Variants in DSCAM observed in about 807,000 individuals in gnomAD.
DSCAM encodes the protein DS cell adhesion molecule.
A neutral mutation model predicts 217.7 loss-of-function variants in DSCAM; 47 were observed. The ratio of observed to expected loss-of-function variants is 0.22; its 90% CI spans 0.17 to 0.28. The LOEUF is 0.28. Ranked by LOEUF, DSCAM falls within the 10% of genes least tolerant of loss-of-function variation. The pLI is 1.00. For synonymous variants in DSCAM, 1,056 were observed against 1,015.3 expected (o/e 1.04, Z -0.76); for missense variants, 2,080 against 2,618.3 (o/e 0.79, Z 4.49).
intron 1 of DSCAM, among the ~76,000 whole-genome samples, chr21:40,836,838 G>A (rs1282165251): frequency 6.6e-6 from 1 of 152,212 alleles, no homozygotes; most frequent in East Asian, 1.9e-4. Context: ...GGAGACCCCA[G>A]TGGTGGTGGG....
chr21:40,530,920 ACCAT>A lies in DSCAM; in HGVS notation c.509-161679_509-161676del, dbSNP rs749257248. ...ATCCATCCATCCATCCATCCATTCAACCATCCATCCATCCATCCATCCATCCATC... is the reference window on the plus strand; with the variant it reads ...ATCCATCCATCCATCCATCCATTCAACCATCCATCCATCCATCCATCCATC... On this transcript the variant is annotated intron_variant, in intron 3 of 32. Transcript: ENST00000400454. Among the ~76,000 whole-genome samples the A allele has an allele frequency of 0.011, 948 of 88,526 alleles. 18 individuals are homozygous for A. In the East Asian group the frequency reaches 0.17, roughly 16 times the overall value. The allele number at this position is 88,526 out of a possible 152,430, so 58.1% of individuals were successfully genotyped here. A position where few individuals can be genotyped will look rare whatever the true frequency, so the allele number is the denominator to read the frequency against.
At chr21:40,612,487 C>T (rs1479707615) in intron 3 of DSCAM, among the ~76,000 whole-genome samples, 1 of 152,180 alleles carries the variant, frequency 6.6e-6, no homozygotes, top group South Asian at 2.1e-4. Flanking sequence ...ATGACCTCTA[C>T]AAATCCCCAA....
chr21:40,159,548 T>C (rs1298025317), intron 16 of DSCAM, among the ~76,000 whole-genome samples: 1 of 152,224 alleles, frequency 6.6e-6, no homozygotes, highest in Non-Finnish European at 1.5e-5. Flanking sequence ...TGAATACTTT[T>C]ATTAAATTAC....
chr21:40,419,093 C>A (rs1212996837), intron 3 of DSCAM, among the ~76,000 whole-genome samples: 2 of 151,832 alleles, frequency 1.3e-5, no homozygotes, highest in Non-Finnish European at 2.9e-5. Flanking sequence ...GCTTCAGCCT[C>A]CAGAGTAGCT....
chr21:40,561,608 A>G (rs1419958482), intron 3 of DSCAM, among the ~76,000 whole-genome samples: 2 of 152,186 alleles, frequency 1.3e-5, no homozygotes, highest in Non-Finnish European at 2.9e-5. Flanking sequence ...CAAATGGTTT[A>G]TATTTTAATA....
intron 5 of DSCAM, among the ~76,000 whole-genome samples, chr21:40,352,250 G>T (rs2074638921): frequency 6.6e-6 from 1 of 152,180 alleles, no homozygotes; most frequent in Non-Finnish European, 1.5e-5. Context: ...ATTCAATGGA[G>T]AACAGGGAGC....
At chr21:40,110,366 G>C (rs1442638656) in intron 20 of DSCAM, among the ~76,000 whole-genome samples, 1 of 152,190 alleles carries the variant, frequency 6.6e-6, no homozygotes, top group Non-Finnish European at 1.5e-5. Flanking sequence ...CTGACTGTCA[G>C]AAGGAAAACT....
chr21:40,353,340 T>A (rs1242741093), intron 5 of DSCAM, 125 bp downstream of exon 5: 1 of 1,305,642 alleles, frequency 7.7e-7, no homozygotes, highest in East Asian at 2.5e-5. Context: ...GAGGTTTCTG[T>A]TGATCTCAGC....
Position 40,523,063 on chromosome 21 carries a change from C to G in DSCAM, c.509-153818G>C, listed in dbSNP as rs1217069503. ...ACCTTGGAGAAATAACTTTACTCCTCTATTGGAGTTTCCTATTGAGTAATG... is the reference window on the plus strand; with the variant it reads ...ACCTTGGAGAAATAACTTTACTCCTGTATTGGAGTTTCCTATTGAGTAATG... On this transcript the variant is annotated intron_variant, in intron 3 of 32. Coordinates refer to ENST00000400454, the MANE Select transcript of DSCAM (RefSeq NM_001389.5). Among the ~76,000 whole-genome samples the G allele has an allele frequency of 1.3e-5, 2 of 152,174 alleles. 1 individual carries two copies. Among genetic ancestry groups the G allele is most frequent in the African/African-American group, 4.8e-5 (2 of 41,438 alleles).
At chr21:40,240,359 T>TG (rs2073134728) in intron 11 of DSCAM, among the ~76,000 whole-genome samples, 1 of 147,708 alleles carries the variant, frequency 6.8e-6, no homozygotes, top group Admixed American at 6.7e-5. Flanking sequence ...GTTTTTTTTT[T>TG]TTTTTTTTTT....
In DSCAM at chr21:40,510,153, C is replaced by G. The variant is rs77068217; in HGVS notation, c.509-140908G>C. 1.5e-3 allele frequency among the ~76,000 whole-genome samples: 221 copies of G among 152,088 alleles called. 2 individuals are homozygous for G. The East Asian group carries it at 0.029, about 20-fold the overall frequency. On this transcript the variant is annotated intron_variant, in intron 3 of 32. Coordinates refer to ENST00000400454, the MANE Select transcript of DSCAM (RefSeq NM_001389.5). ...AAAAAGAATCTAAAATTGTCCCCCC[C>G]CAAAGCACTCTAAAATAAATAACAA... is the stretch of plus-strand genomic sequence containing the variant.
chr21:40,457,236 G>T (rs962732734), intron 3 of DSCAM, among the ~76,000 whole-genome samples: 2 of 152,194 alleles, frequency 1.3e-5, no homozygotes, highest in Non-Finnish European at 2.9e-5. Context: ...GGCTGGCTGC[G>T]CATGGTAGCT....
At chr21:40,319,276 GC>G (rs1243986054) in intron 8 of DSCAM, among the ~76,000 whole-genome samples, 2 of 151,980 alleles carry the variant, frequency 1.3e-5, no homozygotes, top group Non-Finnish European at 2.9e-5. Context: ...GTTTTCTCTG[GC>G]CACATTCTCC....
intron 18 of DSCAM, among the ~76,000 whole-genome samples, chr21:40,139,368 T>A (rs557491125): frequency 6.6e-6 from 1 of 152,058 alleles, no homozygotes; most frequent in South Asian, 2.1e-4. Context: ...AAGAAGTATA[T>A]TGGTTCGGTC....
At chr21:40,374,135 A>G (rs2074927079) in intron 3 of DSCAM, among the ~76,000 whole-genome samples, 1 of 152,360 alleles carries the variant, frequency 6.6e-6, no homozygotes, top group South Asian at 2.1e-4. Context: ...GTATACACAT[A>G]GGTGTGTATA....
intron 1 of DSCAM, among the ~76,000 whole-genome samples, chr21:40,794,110 A>T (rs1460887746): frequency 6.6e-6 from 1 of 152,182 alleles, no homozygotes. Flanking sequence ...TTTCTTTTTA[A>T]TAGAGCTCAT....
intron 1 of DSCAM, among the ~76,000 whole-genome samples, chr21:40,809,712 C>T (rs2091820633): frequency 6.6e-6 from 1 of 152,178 alleles, no homozygotes; most frequent in South Asian, 2.1e-4. Flanking sequence ...ATAGCAAGTC[C>T]CCTGCCTATG....
At chr21:40,519,246 T>A (rs1601710981) in intron 3 of DSCAM, among the ~76,000 whole-genome samples, 1 of 152,290 alleles carries the variant, frequency 6.6e-6, no homozygotes, top group East Asian at 1.9e-4. Context: ...AATACCCAGT[T>A]ATTTCATCAA....
At chr21:40,582,934 A>G (rs984192219) in intron 3 of DSCAM, among the ~76,000 whole-genome samples, 10 of 152,202 alleles carry the variant, frequency 6.6e-5, no homozygotes, top group Non-Finnish European at 1.5e-4. Flanking sequence ...ATATTTGAGC[A>G]ATGGAAAAGC....
Sources: gnomAD v4.1 joint callset for allele counts (sites outside exome capture counted in the v4.1 genomes callset) on GRCh38, gnomAD v4.1.1 for gene constraint, MANE v1.5 for transcripts, NCBI Gene and HGNC (gene_info 2026-07-23, HGNC 2026-07-21) for gene names.